The following ZNF324 variants were observed in gnomAD, a reference collection of about 807,000 sequenced individuals.
ZNF324 encodes the protein zinc finger protein 324, also known as zinc finger protein 324A.
ZNF324 carries 3 observed loss-of-function variants against 10.3 expected under a neutral mutation model. The ratio of observed to expected loss-of-function variants is 0.29; its 90% CI spans 0.13 to 0.75. The LOEUF is 0.75. Ranked by LOEUF, ZNF324 falls within the 30% of genes least tolerant of loss-of-function variation. The pLI is 0.69. For synonymous variants in ZNF324, 430 were observed against 339.5 expected, an observed-to-expected ratio of 1.27 and a Z score of -2.93; for missense variants, 763 against 784.4, an observed-to-expected ratio of 0.97 and a Z score of 0.33.
chr19:58,474,385 C>T lies in ZNF324; in HGVS notation c.*2231C>T, dbSNP rs2053063574. On this transcript the variant is annotated 3_prime_UTR_variant, in exon 4 of 4. Transcript: ENST00000196482. Reference sequence around the variant, plus strand: ...ATGCCTCTGACAGACGCTTCTTGAGCGAAGTTTCTGCCCTGAGCCCGCCTG... The same window carrying T: ...ATGCCTCTGACAGACGCTTCTTGAGTGAAGTTTCTGCCCTGAGCCCGCCTG... 1 of 152,176 alleles carries T rather than the reference C, an allele frequency of 6.6e-6. No individual in the cohort carries two copies. The highest frequency in any genetic ancestry group is 1.5e-5 in the Non-Finnish European group (1 of 68,044). 9.4% of individuals were successfully genotyped at this position (152,176 alleles called of 1,614,324 possible).
intron 1 of ZNF324, among the ~76,000 whole-genome samples, chr19:58,468,645 C>T (rs984000445): frequency 1.3e-5 from 2 of 152,068 alleles, no homozygotes; most frequent in Non-Finnish European, 2.9e-5. Flanking sequence ...CATGAGTGGT[C>T]ATGCTGAGTC....
Position 58,467,240 on chromosome 19 carries a change from GC to G in ZNF324, c.-7+59del, listed in dbSNP as rs558132506. 8.2e-3 allele frequency: 1,237 copies of G among 151,584 alleles called. 6 individuals carry two copies. The highest frequency in any genetic ancestry group is 0.013 in the Non-Finnish European group (859 of 67,820). The allele number at this position is 151,584 out of a possible 1,614,324, so 9.4% of individuals were successfully genotyped here. On this transcript the variant is annotated intron_variant, in intron 1 of 3. Transcript: ENST00000196482. ...CTGCGCACGCGTCGTGATCAAGGGC[GC>G]CGGCCGCCGGCCGCGCCCCCAAGCC...
Position 58,474,138 on chromosome 19 carries a change from GAC to G in ZNF324, c.*1990_*1991del, listed in dbSNP as rs1264356800. On this transcript the variant is annotated 3_prime_UTR_variant, in exon 4 of 4. Transcript: ENST00000196482. ...CTCACAGGTTCCTGCAGGGAGTGGAGACACACAGAACCTAGCTCCCCTGGAGC... is the reference window on the plus strand; with the variant it reads ...CTCACAGGTTCCTGCAGGGAGTGGAGACACAGAACCTAGCTCCCCTGGAGC... 1.3e-5 allele frequency: 2 copies of G among 152,220 alleles called. No homozygotes were observed. Among genetic ancestry groups the G allele is most frequent in the Non-Finnish European group, 2.9e-5 (2 of 68,052 alleles). The allele number at this position is 152,220 out of a possible 1,614,324, so 9.4% of individuals were successfully genotyped here.
In ZNF324 at chr19:58,471,690, G is replaced by A. The variant is rs918914328; in HGVS notation, c.1198G>A (p.Ala400Thr). ...CACAGGCGAGAAGCCCTTCGTGTGC[G>A]CGCTCTGCGGTGCTGCCTTCAGCCA... ...THTGEKPFVC[A>T]LCGAAFSQGS... The change falls in exon 4 of 4, where the codon GCG becomes ACG. Residue 400 changes from alanine to threonine, a missense_variant. Ala to Thr is a moderately conservative substitution (Grantham distance 58). Transcript: ENST00000196482. 2.0e-5 allele frequency: 33 copies of A among 1,611,882 alleles called. No individual in the cohort carries two copies. The highest frequency in any genetic ancestry group is 2.8e-5 in the Non-Finnish European group (33 of 1,179,526).
In ZNF324 at chr19:58,472,001, T is replaced by TAACGGCG. The variant is rs1156785688; in HGVS notation, c.1510_1511insACGGCGA (p.Thr504AsnfsTer133). The TAACGGCG allele has an allele frequency of 1.2e-6, 2 of 1,608,236 alleles. No homozygotes were observed. Among genetic ancestry groups the TAACGGCG allele is most frequent in the Non-Finnish European group, 1.7e-6 (2 of 1,179,684 alleles). On this transcript the variant is annotated frameshift_variant, in exon 4 of 4. Transcript: ENST00000196482. LOFTEE classifies it low-confidence loss of function (END_TRUNC). ...CCCTCTTCCACCACCAGAGGATCCA[T>TAACGGCG]ACCGGCGAGAAGACCGTCCGGCGAT...
chr19:58,469,856 C>T lies in ZNF324; in HGVS notation c.238+12C>T. On this transcript the variant is annotated intron_variant, in intron 3 of 3. Transcript: ENST00000196482. ...GAGGCGCAACCCTGGTGAGAGGGAG[C>T]TCAGGGTGGGGTGAATTCAGGACCA... The T allele has an allele frequency of 6.3e-7, 1 of 1,589,134 alleles. No homozygotes were observed. The highest frequency in any genetic ancestry group is 8.6e-7 in the Non-Finnish European group (1 of 1,166,706).
In ZNF324 at chr19:58,472,204, G is replaced by C; in HGVS notation, c.*50G>C. 6.7e-7 allele frequency: 1 copy of C among 1,502,110 alleles called. No homozygotes were observed. Among genetic ancestry groups the C allele is most frequent in the Non-Finnish European group, 8.9e-7 (1 of 1,122,266 alleles). 93.0% of individuals were successfully genotyped at this position (1,502,110 alleles called of 1,614,324 possible). A position where few individuals can be genotyped will look rare whatever the true frequency, so the allele number is the denominator to read the frequency against. On this transcript the variant is annotated 3_prime_UTR_variant, in exon 4 of 4. Transcript: ENST00000196482. ...TCTGTGAATCCCTTCCACAGCTAAA[G>C]GGCATATGTCCTCTGCAGATCCACA...
chr19:58,472,085 G>A lies in ZNF324; in HGVS notation c.1593G>A (p.Ala531=), dbSNP rs761200510. 12 of 1,600,404 alleles carry A rather than the reference G, an allele frequency of 7.5e-6. No homozygotes were observed. The highest frequency in any genetic ancestry group is 3.3e-5 in the South Asian group (3 of 90,956). ...RSVAGASSEG[A]PAKETEPTPA... The stretch of plus-strand genomic sequence containing the variant: ...TTGCCGGGGCATCATCAGAAGGTGC[G>A]CCAGCGAAGGAAACCGAGCCCACTC... The change falls in exon 4 of 4, where the codon GCG becomes GCA. Residue 531 remains alanine, a synonymous_variant. Transcript: ENST00000196482.
intron 1 of ZNF324, chr19:58,468,103 AAG>A: frequency 1.3e-6 from 1 of 775,038 alleles, no homozygotes; most frequent in African/African-American, 1.9e-5. Flanking sequence ...CGCCTGGAAG[AAG>A]AGAGCTGCTG....
intron 3 of ZNF324, 61 bp from the exon 4 acceptor site, chr19:58,470,670 G>T (rs759121106): frequency 6.2e-7 from 1 of 1,609,384 alleles, no homozygotes; most frequent in Non-Finnish European, 8.5e-7. Flanking sequence ...TGTCCACTCA[G>T]CCTGCCCTGG....
At position 58,472,527 on chromosome 19, in the gene ZNF324, C is replaced by T. The variant is rs1268135818; in HGVS notation, c.*373C>T. On this transcript the variant is annotated 3_prime_UTR_variant, in exon 4 of 4. Transcript: ENST00000196482. ...ATGCAGGCATGGGTTGGGGGTGGCC[C>T]AGAGAAACTTATGACAGCTGTACAC... The T allele has an allele frequency of 4.6e-6, 1 of 218,288 alleles. No homozygotes were observed. The highest frequency in any genetic ancestry group is 2.3e-5 in the African/African-American group (1 of 43,992). The allele number at this position is 218,288 out of a possible 1,614,324, so 13.5% of individuals were successfully genotyped here. A position where few individuals can be genotyped will look rare whatever the true frequency, so the allele number is the denominator to read the frequency against.
In ZNF324 at chr19:58,472,217, C is replaced by G. The variant is rs144526888; in HGVS notation, c.*63C>G. ...TCCACAGCTAAAGGGCATATGTCCT[C>G]TGCAGATCCACAGCAGAGAAAAAGT... On this transcript the variant is annotated 3_prime_UTR_variant, in exon 4 of 4. Coordinates refer to ENST00000196482, the MANE Select transcript of ZNF324 (RefSeq NM_014347.3). The G allele has an allele frequency of 1.7e-5, 24 of 1,453,546 alleles. No homozygotes were observed. The highest frequency in any genetic ancestry group is 1.9e-4 in the Middle Eastern group (1 of 5,404). 90.0% of individuals were successfully genotyped at this position (1,453,546 alleles called of 1,614,324 possible).
rs1177318829 is a variant in ZNF324, at chr19:58,470,830, C to T, written c.338C>T (p.Ala113Val). 1 of 1,614,206 alleles carries T rather than the reference C, an allele frequency of 6.2e-7. No homozygotes were observed. Among genetic ancestry groups the T allele is most frequent in the East Asian group, 2.2e-5 (1 of 44,882 alleles). ...ATGACTACTAGCGTCTTCCCTGTTG[C>T]CGGTGCCTGCCACAGTGTAAAAAGC... ...PGMTTSVFPV[A>V]GACHSVKSLQ... The change falls in exon 4 of 4, where the codon GCC (alanine) becomes GTC (valine). Residue 113 changes from alanine (A) to valine (V), a missense_variant. Ala to Val is a moderately conservative substitution (Grantham distance 64). Around this residue, in one of 3 missense-constraint regions of ZNF324, gnomAD observed 379 missense variants for 319.4 expected, o/e 1.19. Coordinates refer to ENST00000196482, the MANE Select transcript of ZNF324 (RefSeq NM_014347.3).
intron 3 of ZNF324, 83 bp downstream of exon 3, chr19:58,469,927 C>G (rs573710273): frequency 2.8e-6 from 3 of 1,080,968 alleles, no homozygotes; most frequent in Admixed American, 2.1e-5. Context: ...TCCCCAGAAG[C>G]ACCCTCCTCC....
In ZNF324 at chr19:58,469,822, CACCTACAGGAGGCGCA is replaced by C; in HGVS notation, c.220_235del (p.Tyr74LeufsTer6). Reference sequence around the variant, plus strand: ...GAACGGACACAACCCTGTCCAGGACCACCTACAGGAGGCGCAACCCTGGTGAGAGGGAGCTCAGGGT... The same window carrying C: ...GAACGGACACAACCCTGTCCAGGACCACCCTGGTGAGAGGGAGCTCAGGGT... On this transcript the variant is annotated frameshift_variant, in exon 3 of 4. Transcript: ENST00000196482. LOFTEE classifies it low-confidence loss of function (END_TRUNC). 1 of 1,600,996 alleles carries C rather than the reference CACCTACAGGAGGCGCA, an allele frequency of 6.2e-7. No individual in the cohort carries two copies. Among genetic ancestry groups the C allele is most frequent in the Non-Finnish European group, 8.5e-7 (1 of 1,173,910 alleles).
At position 58,472,177 on chromosome 19, in the gene ZNF324, C is replaced by A. The variant is rs3764527; in HGVS notation, c.*23C>A. ...TGAGGTCACAGGTTGCAGCCCTGGC[C>A]TTCTGTGAATCCCTTCCACAGCTAA... On this transcript the variant is annotated 3_prime_UTR_variant, in exon 4 of 4. Coordinates refer to ENST00000196482, the MANE Select transcript of ZNF324 (RefSeq NM_014347.3). The A allele has an allele frequency of 4.0e-5, 62 of 1,545,748 alleles. No homozygotes were observed. The African/African-American group carries it at 7.7e-4, about 19-fold the overall frequency.
In ZNF324 at chr19:58,471,639, C is replaced by G; in HGVS notation, c.1147C>G (p.His383Asp). ...QCGRRFCRNS[H>D]LIQHERTHTG... ...TGGCCGCCGCTTCTGCCGCAACTCGCACCTGATCCAGCACGAGCGTACGCA... is the reference window on the plus strand; with the variant it reads ...TGGCCGCCGCTTCTGCCGCAACTCGGACCTGATCCAGCACGAGCGTACGCA... The change falls in exon 4 of 4, where the codon CAC becomes GAC. Residue 383 changes from histidine to aspartate, a missense_variant. By Grantham distance (81) the His-to-Asp change is moderately conservative. Transcript: ENST00000196482. 1.2e-6 allele frequency: 2 copies of G among 1,611,058 alleles called. No individual in the cohort carries two copies. The highest frequency in any genetic ancestry group is 8.5e-7 in the Non-Finnish European group (1 of 1,179,724).
In ZNF324 at chr19:58,471,019, A is replaced by T. The variant is rs1313528883; in HGVS notation, c.527A>T (p.Glu176Val). The T allele has an allele frequency of 6.2e-7, 1 of 1,613,334 alleles. No homozygotes were observed. The highest frequency in any genetic ancestry group is 8.5e-7 in the Non-Finnish European group (1 of 1,179,696). The part of the protein sequence containing the change: ...LRPPEGVRLR[E>V]KTLTEHALLG... ...CCTCCCGAGGGCGTCCGGCTTAGAG[A>T]AAAGACACTCACAGAGCATGCGTTG... Residue 176 changes from glutamate to valine, a missense_variant, in exon 4 of 4, where the codon GAA (glutamate) becomes GTA (valine). Physicochemically the swap from Glu to Val is moderately radical, Grantham distance 121 (BLOSUM62 -2). This residue lies in a region of ZNF324 where 379 missense variants were observed against 319.4 expected (regional missense o/e 1.19). Coordinates refer to ENST00000196482, the MANE Select transcript of ZNF324 (RefSeq NM_014347.3).
chr19:58,469,979 C>T (rs1221091938), intron 3 of ZNF324, 135 bp downstream of exon 3: 3 of 698,546 alleles, frequency 4.3e-6, no homozygotes, highest in Non-Finnish European at 7.3e-6. Flanking sequence ...TCATCAGCCC[C>T]TCCTGGAGGC....
Sources: allele counts gnomAD v4.1 joint callset (sites outside exome capture counted in the v4.1 genomes callset), GRCh38; gene constraint gnomAD v4.1.1; regional missense constraint gnomAD v4.1.1; transcripts MANE v1.5; gene names NCBI Gene and HGNC (gene_info 2026-07-23, HGNC 2026-07-21).